HNF1A: variants seen among roughly 807,000 people sequenced by gnomAD.
HNF1A encodes hepatocyte nuclear factor 1-alpha.
Under a neutral mutation model 62.2 loss-of-function variants are expected in HNF1A, and 21 were observed. The ratio of observed to expected loss-of-function variants is 0.34; its 90% confidence interval spans 0.24 to 0.49. The LOEUF is 0.49. Among genes scored for constraint, HNF1A ranks in the 20% least tolerant of loss-of-function variants. The probability of loss-of-function intolerance (pLI) is 0.99; values close to 1 mark genes in which losing one functional copy is unlikely to be tolerated. For synonymous variants in HNF1A, 374 were observed against 366.8 expected, an observed-to-expected ratio of 1.02 and a Z score of -0.22; for missense variants, 687 against 832.3, an observed-to-expected ratio of 0.83 and a Z score of 2.15.
At chr12:120,983,194 G>T (rs919899464) in intron 1 of HNF1A, among the ~76,000 whole-genome samples, 2 of 152,218 alleles carry the variant, frequency 1.3e-5, no homozygotes, top group Non-Finnish European at 2.9e-5. Context: ...GAAGATGTGG[G>T]CGGGTCTTCA....
intron 1 of HNF1A, among the ~76,000 whole-genome samples, chr12:120,988,388 C>T (rs1428793643): frequency 6.6e-6 from 1 of 151,196 alleles, no homozygotes; most frequent in East Asian, 2.0e-4. Flanking sequence ...ATCTATCCAC[C>T]AATTCATCCA....
chr12:121,001,009 G>A, intron 9 of HNF1A, 56 bp from the exon 10 acceptor site: 1 of 1,608,352 alleles, frequency 6.2e-7, no homozygotes, highest in Non-Finnish European at 8.5e-7. Context: ...GGGACAGGCA[G>A]GTGGGGTGGG....
At chr12:120,991,723 C>T (rs1455268944) in intron 2 of HNF1A, among the ~76,000 whole-genome samples, 2 of 152,170 alleles carry the variant, frequency 1.3e-5, no homozygotes, top group African/African-American at 2.4e-5. Context: ...GGTGTTCACA[C>T]TCTACTGTGC....
chr12:120,982,880 A>G (rs942661955), intron 1 of HNF1A, among the ~76,000 whole-genome samples: 2 of 152,148 alleles, frequency 1.3e-5, no homozygotes, highest in African/African-American at 4.8e-5. Context: ...ACTCACTTCC[A>G]TACAGTGCTT....
intron 1 of HNF1A, chr12:120,979,517 C>A: frequency 5.4e-6 from 1 of 184,812 alleles, no homozygotes; most frequent in Non-Finnish European, 1.2e-5. Flanking sequence ...GCCCAGGAAG[C>A]ACTGCCAGGG....
Position 120,994,322 on chromosome 12 carries a change from CAGGG to C in HNF1A, c.873_876del (p.Gly292GlnfsTer49). The C allele has an allele frequency of 6.2e-7, 1 of 1,609,770 alleles. No homozygotes were observed. ...ATGGACACGTACAGCGGGCCCCCCC[CAGGG>C]CCAGGCCCGGGACCTGCGCTGCCCG... On this transcript the variant is annotated frameshift_variant, in exon 4 of 10. Coordinates refer to ENST00000257555, the MANE Select transcript of HNF1A (RefSeq NM_000545.8). LOFTEE classifies it high-confidence loss of function.
At chr12:120,981,311 C>T (rs1876240352) in intron 1 of HNF1A, among the ~76,000 whole-genome samples, 1 of 152,176 alleles carries the variant, frequency 6.6e-6, no homozygotes, top group African/African-American at 2.4e-5. Flanking sequence ...TCCCAGGCCT[C>T]CCTGGGGTGC....
chr12:120,978,993 C>A lies in HNF1A; in HGVS notation c.225C>A (p.Asp75Glu), dbSNP rs202180554. 7 of 1,608,788 alleles carry A rather than the reference C, an allele frequency of 4.4e-6. No homozygotes were observed. The highest frequency in any genetic ancestry group is 1.7e-5 in the Admixed American group (1 of 58,928). The change falls in exon 1 of 10, where the codon GAC (aspartate) becomes GAA (glutamate). Residue 75 changes from aspartate (D) to glutamate (E), a missense_variant. By Grantham distance (45) the Asp-to-Glu change is conservative. Coordinates refer to ENST00000257555, the MANE Select transcript of HNF1A (RefSeq NM_000545.8). The stretch of plus-strand genomic sequence containing the variant: ...CTCGGGGCTCCGAGGACGAGACGGA[C>A]GACGATGGGGAAGACTTCACGCCAC... ...GETRGSEDET[D>E]DDGEDFTPPI...
chr12:120,993,684 A>T lies in HNF1A; in HGVS notation c.691A>T (p.Thr231Ser), dbSNP rs748476966. Residue 231 changes from threonine (T) to serine (S), a missense_variant, in exon 3 of 10, where the codon ACG becomes TCG. Physicochemically the swap from Thr to Ser is moderately conservative, Grantham distance 58. Transcript: ENST00000257555. ...QKNPSKEERE[T>S]LVEECNRAEC... Reference sequence around the variant, plus strand: ...GAACCCTAGCAAGGAGGAGCGAGAGACGCTAGTGGAGGAGTGCAATAGGTA... The same window carrying T: ...GAACCCTAGCAAGGAGGAGCGAGAGTCGCTAGTGGAGGAGTGCAATAGGTA... 5.6e-6 allele frequency: 9 copies of T among 1,613,904 alleles called. No individual in the cohort carries two copies. Among genetic ancestry groups the T allele is most frequent in the Non-Finnish European group, 6.8e-6 (8 of 1,180,022 alleles).
At position 120,997,633 on chromosome 12, in the gene HNF1A, T is replaced by G. The variant is rs775893674; in HGVS notation, c.1469T>G (p.Met490Arg). 3 of 1,612,950 alleles carry G rather than the reference T, an allele frequency of 1.9e-6. No homozygotes were observed. Among genetic ancestry groups the G allele is most frequent in the Non-Finnish European group, 2.5e-6 (3 of 1,179,606 alleles). ...VQSHVTQSPF[M>R]ATMAQLQSPH... ...AGCCATGTGACCCAGAGCCCCTTCA[T>G]GGCCACCATGGCTCAGCTGCAGAGC... Residue 490 changes from methionine (M) to arginine (R), a missense_variant, in exon 7 of 10, where the codon ATG becomes AGG. Met to Arg is a moderately conservative substitution (Grantham distance 91, BLOSUM62 -1). This residue lies in a region of HNF1A where 408 missense variants were observed against 455.3 expected (regional missense o/e 0.90). Transcript: ENST00000257555.
At chr12:120,991,154 G>A (rs987193865) in intron 2 of HNF1A, among the ~76,000 whole-genome samples, 2 of 152,228 alleles carry the variant, frequency 1.3e-5, no homozygotes, top group African/African-American at 4.8e-5. Flanking sequence ...ACATGTGACT[G>A]TGTCTGTAGG....
intron 2 of HNF1A, among the ~76,000 whole-genome samples, chr12:120,990,097 T>A (rs186209703): frequency 1.1e-4 from 16 of 151,970 alleles, no homozygotes; most frequent in Admixed American, 1.1e-3. Context: ...TGTGTGACAT[T>A]TTTTGACATT....
chr12:120,979,911 G>T (rs1443169995), intron 1 of HNF1A, among the ~76,000 whole-genome samples: 1 of 152,186 alleles, frequency 6.6e-6, no homozygotes, highest in Non-Finnish European at 1.5e-5. Context: ...AGGAATGGTG[G>T]CCTGGAAAGA....
intron 1 of HNF1A, among the ~76,000 whole-genome samples, chr12:120,983,558 T>G (rs1053493066): frequency 5.3e-5 from 8 of 151,716 alleles, no homozygotes; most frequent in African/African-American, 1.9e-4. Context: ...TTCTTTTTTT[T>G]TTTTTGAGAT....
intron 1 of HNF1A, among the ~76,000 whole-genome samples, chr12:120,984,899 C>T (rs1055338296): frequency 6.0e-5 from 9 of 150,860 alleles, no homozygotes; most frequent in Admixed American, 2.0e-4. Flanking sequence ...GTCCTCAGCA[C>T]GGTGCCTGGC....
Position 120,993,825 on chromosome 12 carries a change from G to T in HNF1A, c.713+119G>T. 4 of 1,057,798 alleles carry T rather than the reference G, an allele frequency of 3.8e-6. No homozygotes were observed. The South Asian group carries it at 4.6e-5, about 12-fold the overall frequency. 65.5% of individuals were successfully genotyped at this position (1,057,798 alleles called of 1,614,324 possible). ...CCAGTTGCCGAGAACTCCTGATATT[G>T]GCTTAGCCTGGCCCAGAAAATTGAG... On this transcript the variant is annotated intron_variant, in intron 3 of 9. Transcript: ENST00000257555.
At chr12:120,981,380 C>A (rs1036913866) in intron 1 of HNF1A, among the ~76,000 whole-genome samples, 1 of 152,208 alleles carries the variant, frequency 6.6e-6, no homozygotes, top group Non-Finnish European at 1.5e-5. Flanking sequence ...CCCCTTAGCT[C>A]CCTGAGTGAC....
chr12:120,983,374 G>T (rs564599944), intron 1 of HNF1A, among the ~76,000 whole-genome samples: 1 of 152,124 alleles, frequency 6.6e-6, no homozygotes, highest in African/African-American at 2.4e-5. Flanking sequence ...AGCAGTGTGA[G>T]GTAGGGGTGG....
chr12:120,987,014 C>A (rs888292743), intron 1 of HNF1A, among the ~76,000 whole-genome samples: 1 of 152,118 alleles, frequency 6.6e-6, no homozygotes, highest in Non-Finnish European at 1.5e-5. Flanking sequence ...TTCTGTTCCC[C>A]CACAGGGAGA....
Sources: allele counts gnomAD v4.1 joint callset (sites outside exome capture counted in the v4.1 genomes callset), GRCh38; gene constraint gnomAD v4.1.1; regional missense constraint gnomAD v4.1.1; transcripts MANE v1.5; gene names NCBI Gene and HGNC (gene_info 2026-07-23, HGNC 2026-07-21).